TFEC: variants seen among roughly 807,000 people sequenced by gnomAD.
The protein encoded by TFEC is class E basic helix-loop-helix protein 34.
Under a neutral mutation model 41.6 loss-of-function variants are expected in TFEC, and 31 were observed. That is an observed-to-expected ratio of 0.74 (90% confidence interval 0.56 to 1.01). The LOEUF (loss-of-function observed/expected upper bound fraction) is 1.01. Ranked by LOEUF, TFEC falls within the 50% of genes least tolerant of loss-of-function variation. The pLI is 0.00. For missense variants in TFEC, 402 were observed against 404.1 expected (o/e 0.99, Z 0.04); for synonymous variants, 143 against 140.6 (o/e 1.02, Z -0.12).
At chr7:116,003,334 A>T (rs1040675136) in intron 1 of TFEC, among the ~76,000 whole-genome samples, 7 of 152,190 alleles carry the variant, frequency 4.6e-5, no homozygotes, top group African/African-American at 1.7e-4. Flanking sequence ...AGCAAGAATT[A>T]CTATGTTAAC....
intron 1 of TFEC, among the ~76,000 whole-genome samples, chr7:116,009,053 T>C (rs908806477): frequency 6.6e-6 from 1 of 152,190 alleles, no homozygotes; most frequent in Non-Finnish European, 1.5e-5. Context: ...AGTAAAATTC[T>C]TGCACTTGAC....
intron 1 of TFEC, among the ~76,000 whole-genome samples, chr7:116,149,311 A>G (rs991164446): frequency 6.6e-6 from 1 of 152,154 alleles, no homozygotes; most frequent in Admixed American, 6.5e-5. Flanking sequence ...GATGCTGGTG[A>G]GAGTTAAAAA....
At chr7:116,072,240 A>G (rs1796847150) in intron 3 of TFEC, among the ~76,000 whole-genome samples, 1 of 151,080 alleles carries the variant, frequency 6.6e-6, no homozygotes, top group Admixed American at 6.6e-5. Flanking sequence ...GCTATCTACA[A>G]ATAGAGATAG....
intron 3 of TFEC, among the ~76,000 whole-genome samples, chr7:116,073,682 CTTGAAAAAGAACAGCTAAAAACTGAG>C (rs1796884441): frequency 1.3e-5 from 2 of 151,804 alleles, no homozygotes; most frequent in South Asian, 4.1e-4. Context: ...CCAAACAAGT[CTTGAAAAAGAACAGCTAAAAACTGAG>C]TTGGAAAACT....
chr7:116,080,344 T>C (rs1201900092), intron 3 of TFEC, among the ~76,000 whole-genome samples: 1 of 152,056 alleles, frequency 6.6e-6, no homozygotes, highest in Admixed American at 6.6e-5. Context: ...CTAAAAAGCT[T>C]CTGCACAGCA....
chr7:116,108,083 A>G (rs1797762287), intron 3 of TFEC, among the ~76,000 whole-genome samples: 1 of 152,164 alleles, frequency 6.6e-6, no homozygotes, highest in South Asian at 2.1e-4. Flanking sequence ...TGGCTTAAAT[A>G]TTTTTGAGGA....
rs1465549656 is a variant in TFEC, at chr7:115,979,515, T to C, written c.180+4747A>G. Among the ~76,000 whole-genome samples, 3 of 152,174 alleles carry C rather than the reference T, an allele frequency of 2.0e-5. No homozygotes were observed. The East Asian group carries it at 5.8e-4, about 29-fold the overall frequency. ...AGATTATATAGGATGTGCAGTTTGTTCCCTGAGCATGTGGCAATGACAGCT... is the reference window on the plus strand; with the variant it reads ...AGATTATATAGGATGTGCAGTTTGTCCCCTGAGCATGTGGCAATGACAGCT... On this transcript the variant is annotated intron_variant, in intron 2 of 7. Coordinates refer to ENST00000265440, the MANE Select transcript of TFEC (RefSeq NM_012252.4).
intron 1 of TFEC, among the ~76,000 whole-genome samples, chr7:116,118,772 T>G (rs1454438131): frequency 6.6e-6 from 1 of 151,790 alleles, no homozygotes; most frequent in Non-Finnish European, 1.5e-5. Context: ...GATTAAGAAT[T>G]TATGGCTATA....
rs763327781 is a variant in TFEC at position 116,042,778 on chromosome 7, C to T, written c.199-58265G>A. On this transcript the variant is annotated intron_variant, in intron 3 of 8. Transcript: ENST00000484212. ...CTAGGTCAATATGACTCTTCTCCCT[C>T]TAAATTCCATTAAGAAATCTCTTTA... Among the ~76,000 whole-genome samples the T allele has an allele frequency of 2.6e-4, 39 of 152,262 alleles. 1 individual carries two copies. The highest frequency in any genetic ancestry group is 4.4e-4 in the Non-Finnish European group (30 of 68,000).
intron 3 of TFEC, among the ~76,000 whole-genome samples, chr7:116,055,912 T>C (rs1235777114): frequency 6.6e-6 from 1 of 152,084 alleles, no homozygotes; most frequent in Non-Finnish European, 1.5e-5. Context: ...TACCATGCCG[T>C]TTCTGTTCTT....
intron 3 of TFEC, among the ~76,000 whole-genome samples, chr7:116,070,641 CTCTTT>C (rs749094166): frequency 6.6e-6 from 1 of 151,386 alleles, no homozygotes; most frequent in Admixed American, 6.6e-5. Flanking sequence ...CAGAAATGTT[CTCTTT>C]TAATATACAT....
chr7:116,003,087 A>T (rs1368935194), intron 1 of TFEC, among the ~76,000 whole-genome samples: 1 of 152,170 alleles, frequency 6.6e-6, no homozygotes, highest in Non-Finnish European at 1.5e-5. Flanking sequence ...CACTTTTAAC[A>T]TCAATGGACA....
chr7:115,972,453 C>A (rs1793177099), intron 3 of TFEC, among the ~76,000 whole-genome samples: 1 of 152,076 alleles, frequency 6.6e-6, no homozygotes, highest in Admixed American at 6.6e-5. Flanking sequence ...GACCCAAGTT[C>A]CACATTCTTT....
At chr7:116,135,082 T>C (rs575110778) in intron 1 of TFEC, among the ~76,000 whole-genome samples, 1 of 152,302 alleles carries the variant, frequency 6.6e-6, no homozygotes, top group East Asian at 1.9e-4. Flanking sequence ...TCCCTCCTTT[T>C]ATGCTGTATG....
Position 116,137,480 on chromosome 7 carries a change from G to A in TFEC, c.-69+22310C>T, listed in dbSNP as rs999386947. On this transcript the variant is annotated intron_variant, in intron 1 of 8. Transcript: ENST00000484212. ...GGATGTGAGTATAGGCCTTGACAGT[G>A]ACTCTCTCGTAAACTTGAGCAGCTA... is the stretch of plus-strand genomic sequence containing the variant. Among the ~76,000 whole-genome samples the A allele has an allele frequency of 6.6e-5, 10 of 152,210 alleles. No homozygotes were observed. The East Asian group carries it at 1.5e-3, about 23-fold the overall frequency.
At chr7:116,078,347 AAATGAAATTG>A (rs1162560345) in intron 3 of TFEC, among the ~76,000 whole-genome samples, 2 of 152,070 alleles carry the variant, frequency 1.3e-5, no homozygotes, top group African/African-American at 2.4e-5. Context: ...GAGAAGACCT[AAATGAAATTG>A]AAACAAACAA....
chr7:116,118,633 A>T (rs559042305), intron 1 of TFEC, among the ~76,000 whole-genome samples: 1 of 151,860 alleles, frequency 6.6e-6, no homozygotes, highest in Non-Finnish European at 1.5e-5. Context: ...TATCTAAAGA[A>T]TTTAGACATG....
At chr7:116,151,603 T>TTTTTGG (rs1379653148) in intron 1 of TFEC, among the ~76,000 whole-genome samples, 2 of 152,146 alleles carry the variant, frequency 1.3e-5, no homozygotes, top group Non-Finnish European at 2.9e-5. Flanking sequence ...TAGGGTTTGT[T>TTTTTGG]TTTTGGTTTT....
intron 2 of TFEC, among the ~76,000 whole-genome samples, chr7:115,975,370 G>A (rs1253198554): frequency 6.6e-6 from 1 of 151,992 alleles, no homozygotes; most frequent in Non-Finnish European, 1.5e-5. Context: ...CATGATATAT[G>A]CAGATACAGT....
Sources: gnomAD v4.1 joint callset for allele counts (sites outside exome capture counted in the v4.1 genomes callset) on GRCh38, gnomAD v4.1.1 for gene constraint, MANE v1.5 for transcripts, NCBI Gene and HGNC (gene_info 2026-07-23, HGNC 2026-07-21) for gene names.